The following SLC28A2 variants were observed in gnomAD, a reference collection of about 807,000 sequenced individuals.
The protein encoded by SLC28A2 is sodium/nucleoside cotransporter 2.
A neutral mutation model predicts 72.9 loss-of-function variants in SLC28A2; 69 were observed. The observed-to-expected ratio is 0.95, with a 90% CI of 0.78 to 1.16. SLC28A2 has a LOEUF of 1.16. SLC28A2 is among the 50% of genes most tolerant of loss of function. The pLI is 0.00. For synonymous variants in SLC28A2, 296 were observed against 294.1 expected, an observed-to-expected ratio of 1.01 and a Z score of -0.07; for missense variants, 745 against 791.1, an observed-to-expected ratio of 0.94 and a Z score of 0.70.
At chr15:45,258,364 A>T (rs989096414) in intron 3 of SLC28A2, among the ~76,000 whole-genome samples, 1 of 152,102 alleles carries the variant, frequency 6.6e-6, no homozygotes, top group African/African-American at 2.4e-5. Flanking sequence ...AAAGCATAGC[A>T]TGCATACAGA....
intron 17 of SLC28A2, among the ~76,000 whole-genome samples, chr15:45,274,192 G>A (rs1900677132): frequency 6.6e-6 from 1 of 152,168 alleles, no homozygotes; most frequent in African/African-American, 2.4e-5. Context: ...AGAAATCAGA[G>A]CTGGAGATAG....
intron 1 of SLC28A2, among the ~76,000 whole-genome samples, 171 bp from the exon 2 acceptor site, chr15:45,253,029 T>C (rs997950560): frequency 1.3e-5 from 2 of 152,254 alleles, no homozygotes; most frequent in Admixed American, 6.5e-5. Context: ...ATTTATTATA[T>C]AAAAATTACA....
At chr15:45,262,558 G>T (rs1308340812) in intron 4 of SLC28A2, among the ~76,000 whole-genome samples, 2 of 152,168 alleles carry the variant, frequency 1.3e-5, no homozygotes, top group African/African-American at 4.8e-5. Context: ...AAAATAGGAG[G>T]CACCTGGGAT....
chr15:45,264,347 C>A (rs143239347), intron 6 of SLC28A2, among the ~76,000 whole-genome samples: 5 of 152,242 alleles, frequency 3.3e-5, no homozygotes, highest in African/African-American at 7.2e-5. Flanking sequence ...AAAATCAACA[C>A]GCAGTGCAGA....
rs1230687856 is a variant in SLC28A2, at chr15:45,272,300, A to G, written c.1654A>G (p.Ile552Val). The change falls in exon 16 of 18, where the codon ATA (isoleucine) becomes GTA (valine). Residue 552 changes from isoleucine to valine, a missense_variant. By Grantham distance (29) the Ile-to-Val change is conservative (BLOSUM62 3). Coordinates refer to ENST00000347644, the MANE Select transcript of SLC28A2 (RefSeq NM_004212.4). ...IGITLGGLTS[I>V]VPHRKSDLSK... is the part of the protein sequence containing the mutation. The stretch of plus-strand genomic sequence containing the variant: ...TTTTATTTTATTGTCTGCAGCATCA[A>G]TAGTACCTCACCGGAAGAGTGACTT... 28 of 1,613,432 alleles carry G rather than the reference A, an allele frequency of 1.7e-5. No homozygotes were observed. The highest frequency in any genetic ancestry group is 2.1e-5 in the Non-Finnish European group (25 of 1,179,942).
At chr15:45,254,237 A>ATG (rs1899903286) in intron 3 of SLC28A2, among the ~76,000 whole-genome samples, 1 of 151,870 alleles carries the variant, frequency 6.6e-6, no homozygotes, top group Non-Finnish European at 1.5e-5. Context: ...AAAAGCTGAG[A>ATG]AGAGGACATT....
chr15:45,267,750 G>C lies in SLC28A2; in HGVS notation c.1153G>C (p.Glu385Gln), dbSNP rs376327143. ...ATCAAAGCTAGCGTATCCGGAAGTGGAGGAGTCCAAGTTCAAGAGTGAGGA... is the reference window on the plus strand; with the variant it reads ...ATCAAAGCTAGCGTATCCGGAAGTGCAGGAGTCCAAGTTCAAGAGTGAGGA... ...ASSKLAYPEV[E>Q]ESKFKSEEGV... The change falls in exon 12 of 18, where the codon GAG (glutamate) becomes CAG (glutamine). Residue 385 changes from glutamate (E) to glutamine (Q), a missense_variant. Transcript: ENST00000347644. 6.2e-7 allele frequency: 1 copy of C among 1,614,090 alleles called. No homozygotes were observed. The highest frequency in any genetic ancestry group is 8.5e-7 in the Non-Finnish European group (1 of 1,180,006).
intron 6 of SLC28A2, among the ~76,000 whole-genome samples, 167 bp downstream of exon 6, chr15:45,264,189 A>C (rs1441612536): frequency 1.3e-5 from 2 of 152,258 alleles, no homozygotes; most frequent in Non-Finnish European, 2.9e-5. Flanking sequence ...AGTTTAAAAA[A>C]TTCTCAAAGG....
chr15:45,263,786 A>G, intron 5 of SLC28A2, 95 bp from the exon 6 acceptor site: 1 of 1,280,266 alleles, frequency 7.8e-7, no homozygotes, highest in Non-Finnish European at 1.1e-6. Context: ...CTTTGATCAC[A>G]GGCCAGGAGT....
chr15:45,269,574 T>C (rs1900478526), intron 14 of SLC28A2, 39 bp downstream of exon 14: 1 of 1,552,498 alleles, frequency 6.4e-7, no homozygotes, highest in African/African-American at 1.4e-5. Context: ...CCGTGAGGTC[T>C]CAGCCATGGT....
At position 45,265,988 on chromosome 15, in the gene SLC28A2, T is replaced by C. The variant is rs1055641822; in HGVS notation, c.862-93T>C. 3.5e-5 allele frequency: 33 copies of C among 935,956 alleles called. No individual in the cohort carries two copies. The African/African-American group carries it at 4.7e-4, about 13-fold the overall frequency. 58.0% of individuals were successfully genotyped at this position (935,956 alleles called of 1,614,324 possible). A position where few individuals can be genotyped will look rare whatever the true frequency, so the allele number is the denominator to read the frequency against. On this transcript the variant is annotated intron_variant, in intron 9 of 17. Transcript: ENST00000347644. ...TGCTCTACTTCTCTAGGCCTCAGTT[T>C]CCTTATCAGTAAAGTGGAGGAGGAG... is the stretch of plus-strand genomic sequence containing the variant.
intron 13 of SLC28A2, 123 bp downstream of exon 13, chr15:45,268,501 A>G (rs1900420986): frequency 1.2e-6 from 1 of 805,250 alleles, no homozygotes; most frequent in African/African-American, 1.7e-5. Context: ...GGCAATCATT[A>G]AAAAGTCAGG....
chr15:45,262,182 G>T, intron 4 of SLC28A2, 76 bp downstream of exon 4: 1 of 992,756 alleles, frequency 1.0e-6, no homozygotes, highest in Non-Finnish European at 1.6e-6. Flanking sequence ...GTGATTACCA[G>T]GTGGAAGGCA....
At chr15:45,269,282 C>T in intron 13 of SLC28A2, 56 bp from the exon 14 acceptor site, 3 of 1,465,958 alleles carry the variant, frequency 2.0e-6, no homozygotes, top group Non-Finnish European at 1.9e-6. Context: ...GTCCTTGGCA[C>T]CTGACCTTTG....
At chr15:45,272,979 G>A (rs1656270027) in intron 17 of SLC28A2, among the ~76,000 whole-genome samples, 195 bp downstream of exon 17, 1 of 152,076 alleles carries the variant, frequency 6.6e-6, no homozygotes, top group Non-Finnish European at 1.5e-5. Flanking sequence ...TGTGTTAGTG[G>A]GCTACTGAGA....
In SLC28A2 at chr15:45,275,606, C is replaced by T. The variant is rs1007538666; in HGVS notation, c.*93C>T. The T allele has an allele frequency of 1.1e-5, 8 of 761,588 alleles. No individual in the cohort carries two copies. The East Asian group carries it at 1.5e-4, about 14-fold the overall frequency. The allele number at this position is 761,588 out of a possible 1,614,324, so 47.2% of individuals were successfully genotyped here. ...ACTCAGGGTGCCCACAACTCACTCACCAAGATGTTTAACAGTAAGTAACAG... is the reference window on the plus strand; with the variant it reads ...ACTCAGGGTGCCCACAACTCACTCATCAAGATGTTTAACAGTAAGTAACAG... On this transcript the variant is annotated 3_prime_UTR_variant, in exon 18 of 18. Coordinates refer to ENST00000347644, the MANE Select transcript of SLC28A2 (RefSeq NM_004212.4).
chr15:45,253,539 C>T lies in SLC28A2; in HGVS notation c.170+19C>T. On this transcript the variant is annotated intron_variant, in intron 3 of 17. Transcript: ENST00000347644. ...ACCAGAGGTACTGGTGTTTTGGAAT[C>T]TTGTTCAGTTAGGAAAGGATCTAGG... 6.4e-7 allele frequency: 1 copy of T among 1,573,710 alleles called. No homozygotes were observed. Among genetic ancestry groups the T allele is most frequent in the Non-Finnish European group, 8.7e-7 (1 of 1,145,156 alleles).
At chr15:45,271,010 G>T (rs1261473568) in intron 15 of SLC28A2, among the ~76,000 whole-genome samples, 1 of 152,082 alleles carries the variant, frequency 6.6e-6, no homozygotes, top group Non-Finnish European at 1.5e-5. Context: ...GAAACACAAA[G>T]AATTAAAACA....
chr15:45,257,204 A>C (rs1595671407), intron 3 of SLC28A2, among the ~76,000 whole-genome samples: 1 of 152,186 alleles, frequency 6.6e-6, no homozygotes, highest in African/African-American at 2.4e-5. Context: ...ACTCAAGAGC[A>C]ATCATGTCCA....
Sources: gnomAD v4.1 joint callset for allele counts (sites outside exome capture counted in the v4.1 genomes callset) on GRCh38, gnomAD v4.1.1 for gene constraint, MANE v1.5 for transcripts, NCBI Gene and HGNC (gene_info 2026-07-23, HGNC 2026-07-21) for gene names.